Variants in HIF3A observed in about 807,000 individuals in gnomAD.
The protein encoded by HIF3A is hypoxia-inducible factor 3-alpha.
Under a neutral mutation model 67.2 loss-of-function variants are expected in HIF3A, and 41 were observed. That is an observed-to-expected ratio of 0.61 (90% CI 0.48 to 0.79). The LOEUF (loss-of-function observed/expected upper bound fraction) is 0.79, where lower values mean the gene tolerates loss of function less well. Among genes scored for constraint, HIF3A ranks in the 30% least tolerant of loss-of-function variants. The pLI, the probability that HIF3A is intolerant of heterozygous loss-of-function variation, is 0.00. For missense variants in HIF3A, 855 were observed against 898.0 expected (o/e 0.95, Z 0.61); for synonymous variants, 356 against 374.8 (o/e 0.95, Z 0.58).
chr19:46,330,633 G>A (rs1481068250), intron 12 of HIF3A, among the ~76,000 whole-genome samples: 2 of 151,806 alleles, frequency 1.3e-5, no homozygotes, highest in Non-Finnish European at 2.9e-5. Flanking sequence ...ATGGATGGAT[G>A]GATGGATGGT....
chr19:46,301,129 C>T (rs930463627), intron 1 of HIF3A, among the ~76,000 whole-genome samples: 1 of 152,148 alleles, frequency 6.6e-6, no homozygotes, highest in African/African-American at 2.4e-5. Flanking sequence ...AAGGAGGGGA[C>T]GGGGACAGGG....
At chr19:46,329,533 C>A in intron 12 of HIF3A, 55 bp downstream of exon 12, 1 of 1,446,790 alleles carries the variant, frequency 6.9e-7, no homozygotes, top group Non-Finnish European at 9.1e-7. Context: ...CCCGTCTTGC[C>A]CCTGCCTCCT....
intron 8 of HIF3A, among the ~76,000 whole-genome samples, chr19:46,316,802 CA>C (rs35910734): frequency 8.8e-4 from 106 of 120,472 alleles, no homozygotes; most frequent in Admixed American, 1.4e-3. Context: ...GACTCCATCT[CA>C]AAAAAAAAAA....
intron 1 of HIF3A, among the ~76,000 whole-genome samples, chr19:46,302,827 TC>T (rs1308161479): frequency 6.6e-5 from 10 of 152,206 alleles, no homozygotes; most frequent in African/African-American, 2.2e-4. Flanking sequence ...TGAGCCATAT[TC>T]ATGCCATTGC....
Position 46,319,172 on chromosome 19 carries a change from C to A in HIF3A, c.1026-1271C>A, listed in dbSNP as rs1210564625. ...CTATATGCACTCAGGTGTATGTGAG[C>A]GCTCCTGTTTGTGCCTGTGTGTACC... is the stretch of plus-strand genomic sequence containing the variant. On this transcript the variant is annotated intron_variant, in intron 8 of 14. Coordinates refer to ENST00000377670, the MANE Select transcript of HIF3A (RefSeq NM_152795.4). 3.3e-5 allele frequency among the ~76,000 whole-genome samples: 5 copies of A among 152,192 alleles called. No individual in the cohort carries two copies. In the East Asian group the frequency reaches 9.7e-4, roughly 29 times the overall value.
rs1969516784 is a variant in HIF3A at position 46,312,399 on chromosome 19, C to T, written c.878-107C>T. ...CAACACCAGCTCCCTGCTCCCCAAG[C>T]CCCAAGGAACTGTCTCCTTCCTTGC... On this transcript the variant is annotated intron_variant, in intron 7 of 14. Coordinates refer to ENST00000377670, the MANE Select transcript of HIF3A (RefSeq NM_152795.4). 9.9e-6 allele frequency: 16 copies of T among 1,608,374 alleles called. No homozygotes were observed. The East Asian group carries it at 3.6e-4, about 36-fold the overall frequency.
Position 46,329,228 on chromosome 19 carries a change from G to C in HIF3A, c.1462G>C (p.Glu488Gln). ...IAQDADALDLEMLAPYISMDD... is the reference protein window; with the variant it reads ...IAQDADALDLQMLAPYISMDD... ...GCAGGATGCTGATGCTCTGGATTTG[G>C]AGATGCTGGCCCCCTACATCTCCAT... is the stretch of plus-strand genomic sequence containing the variant. Residue 488 changes from glutamate to glutamine, a missense_variant, in exon 12 of 15, where the codon GAG becomes CAG. Around this residue, in one of 3 missense-constraint regions of HIF3A, gnomAD observed 18 missense variants for 43.7 expected, o/e 0.41. Transcript: ENST00000377670. 6.2e-7 allele frequency: 1 copy of C among 1,609,556 alleles called. No individual in the cohort carries two copies. Among genetic ancestry groups the C allele is most frequent in the South Asian group, 1.1e-5 (1 of 90,654 alleles).
chr19:46,334,428 C>A (rs1189396994), intron 13 of HIF3A, among the ~76,000 whole-genome samples: 2 of 152,102 alleles, frequency 1.3e-5, no homozygotes, highest in African/African-American at 2.4e-5. Context: ...GAGATAGGGT[C>A]TCATTATGTT....
chr19:46,304,121 T>C, intron 2 of HIF3A, 33 bp downstream of exon 2: 1 of 1,533,458 alleles, frequency 6.5e-7, no homozygotes, highest in Non-Finnish European at 8.8e-7. Context: ...CCCGTCTTGG[T>C]CAGGCCCCGC....
chr19:46,307,577 G>C (rs565557476), intron 3 of HIF3A, among the ~76,000 whole-genome samples: 4 of 151,970 alleles, frequency 2.6e-5, no homozygotes, highest in Non-Finnish European at 4.4e-5. Flanking sequence ...GTGAAACCCC[G>C]TCTCTACTAA....
intron 11 of HIF3A, among the ~76,000 whole-genome samples, chr19:46,327,619 C>T (rs1365486477): frequency 6.6e-6 from 1 of 152,100 alleles, no homozygotes; most frequent in Non-Finnish European, 1.5e-5. Flanking sequence ...CTCCAGACTG[C>T]CAAGTCTGCC....
chr19:46,298,367 C>G (rs1968031355), intron 1 of HIF3A: 1 of 1,268,502 alleles, frequency 7.9e-7, no homozygotes, highest in Non-Finnish European at 1.0e-6. Flanking sequence ...TCGGGTGCCC[C>G]CCCTCCCCAC....
chr19:46,329,024 C>A (rs967150958), intron 11 of HIF3A, 183 bp from the exon 12 acceptor site: 1 of 510,800 alleles, frequency 2.0e-6, no homozygotes, highest in Non-Finnish European at 3.4e-6. Context: ...ATGCTTCTGA[C>A]CCAGTTTAGG....
Position 46,343,160 on chromosome 19 carries a change from T to TC in HIF3A, c.*3538_*3539insC, listed in dbSNP as rs1168630186. ...TTCTTTCTACAGATGGTGCTACTCT[T>TC]GGTCTCCCACAGGAAAAGGCCTCCC... On this transcript the variant is annotated 3_prime_UTR_variant, in exon 15 of 15. Transcript: ENST00000377670. 6.5e-6 allele frequency: 1 copy of TC among 152,876 alleles called. No homozygotes were observed. The highest frequency in any genetic ancestry group is 1.5e-5 in the Non-Finnish European group (1 of 68,252). The allele number at this position is 152,876 out of a possible 1,614,324, so 9.5% of individuals were successfully genotyped here. A position where few individuals can be genotyped will look rare whatever the true frequency, so the allele number is the denominator to read the frequency against.
chr19:46,309,985 G>A (rs1029532318), intron 6 of HIF3A, among the ~76,000 whole-genome samples: 1 of 152,176 alleles, frequency 6.6e-6, no homozygotes, highest in South Asian at 2.1e-4. Flanking sequence ...AGCACTTTGG[G>A]AGGCCAAGGT....
chr19:46,323,329 A>G (rs1601317441), intron 10 of HIF3A, among the ~76,000 whole-genome samples: 1 of 151,968 alleles, frequency 6.6e-6, no homozygotes, highest in East Asian at 1.9e-4. Flanking sequence ...GATTACAGGC[A>G]TGAGCCACCG....
rs142484668 is a variant in HIF3A at position 46,321,984 on chromosome 19, T to C, written c.1335+18T>C. On this transcript the variant is annotated intron_variant, in intron 10 of 14. Coordinates refer to ENST00000377670, the MANE Select transcript of HIF3A (RefSeq NM_152795.4). ...CTCTTTCGGTAAGCCATCCCACCCA[T>C]GTGAGCCCTCAGCATCCAGTGCTCA... 2.1e-3 allele frequency: 3,335 copies of C among 1,612,012 alleles called. 62 individuals carry two copies. The African/African-American group carries it at 0.037, about 18-fold the overall frequency.
rs369287372 is a variant in HIF3A, at chr19:46,305,330, C to T, written c.303C>T (p.Thr101=). ...KALEGFVMVL[T]AEGDMAYLSE... is the part of the protein sequence containing the mutation. Reference sequence around the variant, plus strand: ...TGGAGGGCTTCGTCATGGTGCTCACCGCCGAGGGAGACATGGCTTACCTGT... The same window carrying T: ...TGGAGGGCTTCGTCATGGTGCTCACTGCCGAGGGAGACATGGCTTACCTGT... The change falls in exon 3 of 15, where the codon ACC becomes ACT. Residue 101 remains threonine, a synonymous_variant. Coordinates refer to ENST00000377670, the MANE Select transcript of HIF3A (RefSeq NM_152795.4). 1.1e-4 allele frequency: 173 copies of T among 1,613,934 alleles called. No homozygotes were observed. Among genetic ancestry groups the T allele is most frequent in the Non-Finnish European group, 1.3e-4 (156 of 1,180,028 alleles).
At chr19:46,325,749 G>A (rs1680581800) in intron 11 of HIF3A, 110 bp downstream of exon 11, 1 of 715,914 alleles carries the variant, frequency 1.4e-6, no homozygotes, top group Non-Finnish European at 2.5e-6. Flanking sequence ...TGGATGGATG[G>A]ATGGACCATT....
Sources: gnomAD v4.1 joint callset for allele counts (sites outside exome capture counted in the v4.1 genomes callset) on GRCh38, gnomAD v4.1.1 for gene constraint, gnomAD v4.1.1 regional missense constraint, MANE v1.5 for transcripts, NCBI Gene and HGNC (gene_info 2026-07-23, HGNC 2026-07-21) for gene names.